Variants in SLC27A6 observed in about 807,000 individuals in gnomAD.
SLC27A6 encodes the protein long-chain fatty acid transport protein 6.
SLC27A6 carries 74 observed loss-of-function variants against 63.9 expected under a neutral mutation model. The observed-to-expected ratio is 1.16, with a 90% CI of 0.96 to 1.40. The LOEUF is 1.40. Ranked by LOEUF, SLC27A6 falls within the 40% of genes most tolerant of loss-of-function variation. The pLI is 0.00. For synonymous variants in SLC27A6, 287 were observed against 260.8 expected (o/e 1.10, Z -0.97); for missense variants, 794 against 732.9 (o/e 1.08, Z -0.96).
intron 1 of SLC27A6, among the ~76,000 whole-genome samples, chr5:128,967,160 C>A (rs1358161438): frequency 6.7e-6 from 1 of 149,976 alleles, no homozygotes; most frequent in Non-Finnish European, 1.5e-5. Context: ...TCTTGGCAGA[C>A]TCTAGGAGCC....
chr5:128,994,631 A>G (rs1017358548), intron 4 of SLC27A6, among the ~76,000 whole-genome samples: 1 of 152,238 alleles, frequency 6.6e-6, no homozygotes, highest in Non-Finnish European at 1.5e-5. Flanking sequence ...TGAATGTCTC[A>G]TAAGCCATGG....
Position 128,966,282 on chromosome 5 carries a change from AAG to A in SLC27A6, c.150_151del (p.Glu52AlafsTer7). 6.2e-7 allele frequency: 1 copy of A among 1,613,970 alleles called. No homozygotes were observed. The highest frequency in any genetic ancestry group is 8.5e-7 in the Non-Finnish European group (1 of 1,179,934). On this transcript the variant is annotated frameshift_variant, in exon 1 of 10. Transcript: ENST00000262462. LOFTEE classifies it high-confidence loss of function. ...TATAATTCGGCTGAAGAAGTATGAA[AAG>A]AGAGGGGAGCTGGTGACTGTGCTGG... Reference protein sequence around the residue: ...LIIIRLKKYEKRGELVTVLDK... With the variant: ...LIIIRLKKYEXRGELVTVLDK...
chr5:129,028,329 G>C lies in SLC27A6; in HGVS notation c.1455-16G>C, dbSNP rs1313196940. ...AATACAGGTGCACTAACTGGAATTT[G>C]ATTTTTTTCATTTAGATGGAAAGGA... On this transcript the variant is annotated splice_polypyrimidine_tract_variant and intron_variant, in intron 7 of 9. Coordinates refer to ENST00000262462, the MANE Select transcript of SLC27A6 (RefSeq NM_001017372.3). 4 of 1,570,924 alleles carry C rather than the reference G, an allele frequency of 2.5e-6. No homozygotes were observed. Among genetic ancestry groups the C allele is most frequent in the Non-Finnish European group, 3.5e-6 (4 of 1,142,614 alleles).
chr5:128,996,191 T>C (rs1751154632), intron 4 of SLC27A6, among the ~76,000 whole-genome samples: 2 of 152,182 alleles, frequency 1.3e-5, no homozygotes, highest in Non-Finnish European at 2.9e-5. Context: ...TTTTTCAAGC[T>C]ACTATTTGTA....
intron 1 of SLC27A6, among the ~76,000 whole-genome samples, chr5:128,967,922 C>T (rs1194388457): frequency 6.6e-6 from 1 of 152,050 alleles, no homozygotes; most frequent in Non-Finnish European, 1.5e-5. Flanking sequence ...TCCCCCCACC[C>T]CACGACAGGC....
chr5:128,974,511 A>G (rs1750308425), intron 1 of SLC27A6, among the ~76,000 whole-genome samples: 5 of 152,248 alleles, frequency 3.3e-5, no homozygotes, highest in Admixed American at 3.3e-4. Flanking sequence ...TTTTATACTT[A>G]AAATACTGTG....
intron 1 of SLC27A6, among the ~76,000 whole-genome samples, chr5:128,982,688 T>G (rs1347377596): frequency 4.6e-5 from 7 of 152,218 alleles, no homozygotes; most frequent in African/African-American, 1.7e-4. Flanking sequence ...CCTTTGCTTA[T>G]CCAGTTTTTC....
At chr5:129,027,040 G>T in intron 6 of SLC27A6, 93 bp from the exon 7 acceptor site, 1 of 1,036,678 alleles carries the variant, frequency 9.6e-7, no homozygotes, top group Non-Finnish European at 1.5e-6. Flanking sequence ...AGCAGCATTG[G>T]TTGTGCTGGC....
Position 129,027,321 on chromosome 5 carries a change from G to T in SLC27A6, c.1444G>T (p.Asp482Tyr). Reference sequence around the variant, plus strand: ...CCTTTATTTTTGGGACCGTACTGGAGACACTTTCAGGTATGAAATGTTATG... The same window carrying T: ...CCTTTATTTTTGGGACCGTACTGGATACACTTTCAGGTATGAAATGTTATG... ...NFLYFWDRTGDTFRWKGENVA... is the reference protein window; with the variant it reads ...NFLYFWDRTGYTFRWKGENVA... The change falls in exon 7 of 10, where the codon GAC (aspartate) becomes TAC (tyrosine). Residue 482 changes from aspartate (D) to tyrosine (Y), a missense_variant. Transcript: ENST00000262462. The T allele has an allele frequency of 6.2e-7, 1 of 1,609,776 alleles. No homozygotes were observed. Among genetic ancestry groups the T allele is most frequent in the Non-Finnish European group, 8.5e-7 (1 of 1,176,792 alleles).
At chr5:129,026,194 C>T (rs1332578716) in intron 6 of SLC27A6, among the ~76,000 whole-genome samples, 1 of 152,084 alleles carries the variant, frequency 6.6e-6, no homozygotes. Context: ...ACTCCAACTT[C>T]ATCTAGCCGC....
chr5:129,000,108 T>C (rs1397415145), intron 4 of SLC27A6, among the ~76,000 whole-genome samples: 1 of 152,152 alleles, frequency 6.6e-6, no homozygotes, highest in Admixed American at 6.5e-5. Flanking sequence ...ATCAGCTTGC[T>C]GAAGAGGAAA....
At position 129,025,338 on chromosome 5, in the gene SLC27A6, C is replaced by T. The variant is rs1018676488; in HGVS notation, c.1255+1628C>T. On this transcript the variant is annotated intron_variant, in intron 6 of 9. Transcript: ENST00000262462. ...CTGTGTCCTAAAAAAGAAAAAAAAA[C>T]GTAAGTTTTAAGGGAGATATAAGAG... is the stretch of plus-strand genomic sequence containing the variant. Among the ~76,000 whole-genome samples, 7 of 151,292 alleles carry T rather than the reference C, an allele frequency of 4.6e-5. No homozygotes were observed. The East Asian group carries it at 7.8e-4, about 17-fold the overall frequency.
intron 5 of SLC27A6, among the ~76,000 whole-genome samples, chr5:129,017,026 A>G (rs1198988429): frequency 6.6e-6 from 1 of 152,310 alleles, no homozygotes; most frequent in Non-Finnish European, 1.5e-5. Flanking sequence ...AGCAGTCTCA[A>G]CCTTTGTAAA....
intron 1 of SLC27A6, among the ~76,000 whole-genome samples, chr5:128,979,035 T>A (rs1750490954): frequency 3.3e-5 from 5 of 152,032 alleles, no homozygotes; most frequent in Admixed American, 1.3e-4. Context: ...GATCAATGAT[T>A]ATCATTCAGT....
At chr5:128,973,704 A>C (rs1475019765) in intron 1 of SLC27A6, among the ~76,000 whole-genome samples, 1 of 152,168 alleles carries the variant, frequency 6.6e-6, no homozygotes, top group Non-Finnish European at 1.5e-5. Context: ...TGGGAAAGGG[A>C]ATTCCCTGAC....
intron 4 of SLC27A6, among the ~76,000 whole-genome samples, chr5:128,992,970 G>T (rs1751030768): frequency 1.3e-5 from 2 of 152,164 alleles, no homozygotes; most frequent in Admixed American, 1.3e-4. Flanking sequence ...TTGAATACAT[G>T]AATTTACTTA....
At chr5:129,011,208 T>C (rs978772221) in intron 4 of SLC27A6, among the ~76,000 whole-genome samples, 4 of 152,164 alleles carry the variant, frequency 2.6e-5, no homozygotes, top group African/African-American at 9.7e-5. Context: ...ATTTCAGCAT[T>C]AGTAGATATT....
intron 3 of SLC27A6, among the ~76,000 whole-genome samples, chr5:128,989,042 C>T (rs1295315526): frequency 1.3e-5 from 2 of 152,100 alleles, no homozygotes; most frequent in Non-Finnish European, 2.9e-5. Flanking sequence ...ACAAACTACC[C>T]CAGATTCCTC....
At position 129,033,228 on chromosome 5, in the gene SLC27A6, T is replaced by G. The variant is rs1449612509; in HGVS notation, c.1806T>G (p.Val602=). Residue 602 remains valine (V), a synonymous_variant, in exon 10 of 10, where the codon GTT becomes GTG. Transcript: ENST00000262462. ...YFMDNLKKSY[V]LLTRELYDQI... Reference sequence around the variant, plus strand: ...TGGATAACTTGAAAAAGTCTTATGTTCTACTGACCAGGGAACTTTATGATC... The same window carrying G: ...TGGATAACTTGAAAAAGTCTTATGTGCTACTGACCAGGGAACTTTATGATC... 1 of 1,596,946 alleles carries G rather than the reference T, an allele frequency of 6.3e-7. No homozygotes were observed. Among genetic ancestry groups the G allele is most frequent in the East Asian group, 2.3e-5 (1 of 43,894 alleles).
Sources: gnomAD v4.1 joint callset for allele counts (sites outside exome capture counted in the v4.1 genomes callset) on GRCh38, gnomAD v4.1.1 for gene constraint, MANE v1.5 for transcripts, NCBI Gene and HGNC (gene_info 2026-07-23, HGNC 2026-07-21) for gene names.